Variants in SLIT3 observed in about 807,000 individuals in gnomAD.
SLIT3 encodes the protein slit guidance ligand 3.
In SLIT3, 68 loss-of-function variants were observed where a neutral mutation model predicts 184.0. The ratio of observed to expected loss-of-function variants is 0.37; its 90% CI spans 0.30 to 0.45. The LOEUF (loss-of-function observed/expected upper bound fraction) is 0.45. SLIT3 is among the 20% of genes least tolerant of loss of function. SLIT3 has a pLI of 1.00. For synonymous variants in SLIT3, 831 were observed against 828.6 expected, an observed-to-expected ratio of 1.00 and a Z score of -0.05; for missense variants, 1,707 against 2,026.0, an observed-to-expected ratio of 0.84 and a Z score of 3.02.
intron 4 of SLIT3, among the ~76,000 whole-genome samples, chr5:169,019,855 C>A (rs1211819169): frequency 6.6e-6 from 1 of 152,188 alleles, no homozygotes; most frequent in Non-Finnish European, 1.5e-5. Flanking sequence ...AATCCATTTT[C>A]TTTCACTGCC....
At chr5:169,040,879 G>GA (rs1757427668) in intron 4 of SLIT3, among the ~76,000 whole-genome samples, 1 of 152,200 alleles carries the variant, frequency 6.6e-6, no homozygotes, top group South Asian at 2.1e-4. Flanking sequence ...ATCTTTCTTA[G>GA]AGCTGGCTCA....
intron 2 of SLIT3, among the ~76,000 whole-genome samples, chr5:169,247,674 T>C (rs565042486): frequency 1.6e-4 from 24 of 152,278 alleles, no homozygotes; most frequent in Non-Finnish European, 2.5e-4. Context: ...GTTTTTTTTT[T>C]CCCTCCAAGA....
intron 8 of SLIT3, among the ~76,000 whole-genome samples, chr5:168,809,536 C>A (rs1757097322): frequency 6.6e-6 from 1 of 152,252 alleles, no homozygotes; most frequent in Non-Finnish European, 1.5e-5. Context: ...CTCCTGTGAT[C>A]GATGCCAATG....
chr5:169,284,591 C>G (rs1184367364), intron 1 of SLIT3, among the ~76,000 whole-genome samples: 1 of 152,192 alleles, frequency 6.6e-6, no homozygotes, highest in South Asian at 2.1e-4. Flanking sequence ...CACAATAACC[C>G]TACAAGACAG....
chr5:169,200,792 C>T (rs1031717584), intron 3 of SLIT3, among the ~76,000 whole-genome samples: 1 of 152,144 alleles, frequency 6.6e-6, no homozygotes, highest in Admixed American at 6.5e-5. Flanking sequence ...ACAGCCAATT[C>T]AGGCTTTTTT....
At chr5:168,937,253 C>A (rs546634277) in intron 4 of SLIT3, among the ~76,000 whole-genome samples, 55 of 152,164 alleles carry the variant, frequency 3.6e-4, no homozygotes, top group Non-Finnish European at 6.2e-4. Flanking sequence ...CCTATAAGGC[C>A]ATGTGGGAGG....
At chr5:169,084,020 T>C (rs1759180001) in intron 4 of SLIT3, among the ~76,000 whole-genome samples, 1 of 152,198 alleles carries the variant, frequency 6.6e-6, no homozygotes, top group Non-Finnish European at 1.5e-5. Context: ...ACCAGGATCA[T>C]GCTTAGCATT....
chr5:168,707,891 C>T lies in SLIT3; in HGVS notation c.2844+85G>A, dbSNP rs1009442082. On this transcript the variant is annotated intron_variant, in intron 26 of 35. Transcript: ENST00000519560. Reference sequence around the variant, plus strand: ...GCTGTCCCTTGGAGAAGGGAGGGTACGCAGGGCATGGTGCCCCTCTCTAGG... The same window carrying T: ...GCTGTCCCTTGGAGAAGGGAGGGTATGCAGGGCATGGTGCCCCTCTCTAGG... 26 of 1,543,008 alleles carry T rather than the reference C, an allele frequency of 1.7e-5. No individual in the cohort carries two copies. The South Asian group carries it at 1.9e-4, about 11-fold the overall frequency.
intron 4 of SLIT3, among the ~76,000 whole-genome samples, chr5:169,126,658 T>C (rs1761091649): frequency 6.6e-6 from 1 of 152,216 alleles, no homozygotes; most frequent in Admixed American, 6.5e-5. Flanking sequence ...CACGACAACA[T>C]TAACCAGTGG....
intron 4 of SLIT3, among the ~76,000 whole-genome samples, chr5:169,120,708 C>G (rs753718852): frequency 6.6e-6 from 1 of 152,204 alleles, no homozygotes; most frequent in African/African-American, 2.4e-5. Context: ...ACCTTGCACA[C>G]GTGCCTGTTC....
chr5:169,138,280 T>C (rs766009740), intron 4 of SLIT3, among the ~76,000 whole-genome samples: 16 of 152,330 alleles, frequency 1.1e-4, no homozygotes, highest in Non-Finnish European at 1.3e-4. Context: ...CGATGTGACC[T>C]ACAGCCAATG....
chr5:169,131,314 A>G lies in SLIT3; in HGVS notation c.413+62165T>C, dbSNP rs143904585. Among the ~76,000 whole-genome samples the G allele has an allele frequency of 5.5e-3, 838 of 152,332 alleles. 7 individuals are homozygous for G. The highest frequency in any genetic ancestry group is 0.019 in the African/African-American group (778 of 41,572). On this transcript the variant is annotated intron_variant, in intron 4 of 35. Coordinates refer to ENST00000519560, the MANE Select transcript of SLIT3 (RefSeq NM_003062.4). ...GAGCGCAGTACCTGGAGCAGCATCA[A>G]TATCATCTGGGAACTTGCTAGAAAT...
intron 4 of SLIT3, among the ~76,000 whole-genome samples, chr5:168,965,725 A>C (rs62377224): frequency 0.04 from 6,070 of 152,312 alleles, 156 homozygotes; most frequent in Middle Eastern, 0.065. Flanking sequence ...CTAAAAGTTT[A>C]CTGTCTCTCC....
intron 4 of SLIT3, among the ~76,000 whole-genome samples, chr5:168,899,625 G>A (rs978366317): frequency 3.9e-5 from 6 of 152,168 alleles, no homozygotes; most frequent in Non-Finnish European, 7.3e-5. Flanking sequence ...GAAGCTATAA[G>A]CATTGCCATG....
At chr5:168,986,521 C>G (rs1755137174) in intron 4 of SLIT3, among the ~76,000 whole-genome samples, 1 of 152,182 alleles carries the variant, frequency 6.6e-6, no homozygotes, top group Non-Finnish European at 1.5e-5. Flanking sequence ...TCCAGGCCCC[C>G]ATCTCCATTC....
In SLIT3 at chr5:168,682,757, G is replaced by T. The variant is rs1761629346; in HGVS notation, c.3686+1209C>A. Among the ~76,000 whole-genome samples the T allele has an allele frequency of 2.6e-5, 4 of 152,150 alleles. No homozygotes were observed. In the South Asian group the frequency reaches 8.3e-4, roughly 32 times the overall value. On this transcript the variant is annotated intron_variant, in intron 32 of 35. Coordinates refer to ENST00000519560, the MANE Select transcript of SLIT3 (RefSeq NM_003062.4). ...TTAGCAGGGGGAAGAAAGTCTGAAA[G>T]TTGCAGCTCTTCACCAATCCCTATG...
intron 5 of SLIT3, among the ~76,000 whole-genome samples, chr5:168,856,600 T>C (rs900536284): frequency 6.6e-6 from 1 of 152,102 alleles, no homozygotes; most frequent in Non-Finnish European, 1.5e-5. Flanking sequence ...GTAAACTTGA[T>C]GGAAGGAGAA....
At chr5:168,840,507 A>T (rs1481846173) in intron 6 of SLIT3, among the ~76,000 whole-genome samples, 1 of 151,264 alleles carries the variant, frequency 6.6e-6, no homozygotes, top group Non-Finnish European at 1.5e-5. Context: ...AACTGGTGAA[A>T]TGCCTGGCCA....
At chr5:169,023,118 C>T (rs561068245) in intron 4 of SLIT3, among the ~76,000 whole-genome samples, 1 of 152,196 alleles carries the variant, frequency 6.6e-6, no homozygotes, top group African/African-American at 2.4e-5. Flanking sequence ...TATTATTACA[C>T]CAGCCATATT....
Sources: allele counts gnomAD v4.1 joint callset (sites outside exome capture counted in the v4.1 genomes callset), GRCh38; gene constraint gnomAD v4.1.1; transcripts MANE v1.5; gene names NCBI Gene and HGNC (gene_info 2026-07-23, HGNC 2026-07-21).